The following SF1 variants were observed in gnomAD, a reference collection of about 807,000 sequenced individuals.
The protein encoded by SF1 is branch point-binding protein.
A neutral mutation model predicts 62.5 loss-of-function variants in SF1; 7 were observed. That is an observed-to-expected ratio of 0.11 (90% CI 0.06 to 0.21). SF1 has a LOEUF of 0.21. Ranked by LOEUF, SF1 falls within the 10% of genes least tolerant of loss-of-function variation. The pLI is 1.00. For synonymous variants in SF1, 394 were observed against 323.6 expected (o/e 1.22, Z -2.33); for missense variants, 578 against 884.0 (o/e 0.65, Z 4.39).
chr11:64,772,443 CAAGG>C, intron 3 of SF1: 2 of 984,996 alleles, frequency 2.0e-6, no homozygotes, highest in Middle Eastern at 1.0e-3. Context: ...TATGGAGAAA[CAAGG>C]AAGTTAATGT....
intron 3 of SF1, chr11:64,771,618 T>A: frequency 1.0e-6 from 1 of 985,434 alleles, no homozygotes; most frequent in Non-Finnish European, 1.2e-6. Context: ...GACGGCTAAA[T>A]GACACCTCCG....
intron 1 of SF1, among the ~76,000 whole-genome samples, chr11:64,777,157 T>A (rs1363297529): frequency 6.6e-6 from 1 of 152,158 alleles, no homozygotes; most frequent in Non-Finnish European, 1.5e-5. Flanking sequence ...TCTTCATAAG[T>A]TTAGCCAAGA....
chr11:64,776,508 T>G lies in SF1; in HGVS notation c.150A>C (p.Arg50Ser), dbSNP rs1305367896. The stretch of plus-strand genomic sequence containing the variant: ...AGAACGTATATTTACCTATATAAGC[T>G]CTTTCTTGTTCTCGAGTAAGTCCAG... ...IPPGLTREQERAYIVQLQIED... is the reference protein window; with the variant it reads ...IPPGLTREQESAYIVQLQIED... The change falls in exon 2 of 13, where the codon AGA (arginine) becomes AGC (serine). Residue 50 changes from arginine (R) to serine (S), a missense_variant. Around this residue, in one of 7 missense-constraint regions of SF1, gnomAD observed 68 missense variants for 170.7 expected, o/e 0.40. Coordinates refer to ENST00000377390, the MANE Select transcript of SF1 (RefSeq NM_004630.4). The G allele has an allele frequency of 1.3e-6, 2 of 1,560,120 alleles. No individual in the cohort carries two copies. The highest frequency in any genetic ancestry group is 1.7e-6 in the Non-Finnish European group (2 of 1,158,962).
chr11:64,778,178 G>A (rs1183703425), intron 1 of SF1, 184 bp downstream of exon 1: 19 of 957,308 alleles, frequency 2.0e-5, no homozygotes, highest in Non-Finnish European at 2.4e-5. Flanking sequence ...CGGCGGCGGA[G>A]GCGGCGGAGG....
rs968966198 is a variant in SF1, at chr11:64,778,063, G to A, written c.31+299C>T. On this transcript the variant is annotated intron_variant, in intron 1 of 12. Transcript: ENST00000377390. Reference sequence around the variant, plus strand: ...GTGGCGGCGGCTGCGGCGGCGACACGCGCTGGTAGAGCGGCGGCGGAGGGG... The same window carrying A: ...GTGGCGGCGGCTGCGGCGGCGACACACGCTGGTAGAGCGGCGGCGGAGGGG... 10 of 994,266 alleles carry A rather than the reference G, an allele frequency of 1.0e-5. 1 individual carries two copies. Among genetic ancestry groups the A allele is most frequent in the East Asian group, 9.7e-5 (1 of 10,330 alleles). 61.6% of individuals were successfully genotyped at this position (994,266 alleles called of 1,614,324 possible). A position where few individuals can be genotyped will look rare whatever the true frequency, so the allele number is the denominator to read the frequency against.
At chr11:64,770,232 A>C in intron 4 of SF1, 24 bp downstream of exon 4, 4 of 1,607,864 alleles carry the variant, frequency 2.5e-6, no homozygotes, top group Non-Finnish European at 3.4e-6. Flanking sequence ...TCTTCATCCC[A>C]GATGACCGAG....
At position 64,767,522 on chromosome 11, in the gene SF1, C is replaced by T. The variant is rs764199684; in HGVS notation, c.1342+49G>A. The T allele has an allele frequency of 4.4e-5, 66 of 1,508,184 alleles. 1 individual carries two copies. In the South Asian group the frequency reaches 8.1e-4, roughly 18 times the overall value. 93.4% of individuals were successfully genotyped at this position (1,508,184 alleles called of 1,614,324 possible). ...TAGCCAACAGCGACCTGACGTAACCCCTTGCTTATCCCAAAGCCCCCAAGG... is the reference window on the plus strand; with the variant it reads ...TAGCCAACAGCGACCTGACGTAACCTCTTGCTTATCCCAAAGCCCCCAAGG... On this transcript the variant is annotated intron_variant, in intron 10 of 12. Transcript: ENST00000377390.
rs1379381569 is a variant in SF1, at chr11:64,778,354, C to G, written c.31+8G>C. On this transcript the variant is annotated splice_region_variant and intron_variant, in intron 1 of 12. Transcript: ENST00000377390. ...GGAGCGGGGGCAGCCCGGGGGGGCCCAGCTTACCCAACGGCGTGGCGTTCG... is the reference window on the plus strand; with the variant it reads ...GGAGCGGGGGCAGCCCGGGGGGGCCGAGCTTACCCAACGGCGTGGCGTTCG... The G allele has an allele frequency of 5.7e-6, 7 of 1,227,058 alleles. No homozygotes were observed. In the East Asian group the frequency reaches 1.9e-4, roughly 34 times the overall value. The allele number at this position is 1,227,058 out of a possible 1,614,324, so 76.0% of individuals were successfully genotyped here.
In SF1 at chr11:64,765,506, G is replaced by T; in HGVS notation, c.*312C>A. ...TCTCATGGCTCGGGCCATCGCCGCC[G>T]CGGGGAGGGATCCTGGCGGCCCGGT... On this transcript the variant is annotated 3_prime_UTR_variant, in exon 13 of 13. Transcript: ENST00000377390. 6.2e-7 allele frequency: 1 copy of T among 1,609,824 alleles called. No homozygotes were observed. The highest frequency in any genetic ancestry group is 1.1e-5 in the South Asian group (1 of 90,582).
chr11:64,771,302 T>TA (rs996508561), intron 3 of SF1, among the ~76,000 whole-genome samples: 1 of 152,036 alleles, frequency 6.6e-6, no homozygotes, highest in African/African-American at 2.4e-5. Flanking sequence ...TTTGCGGTAA[T>TA]AAAAAAGAGA....
At position 64,766,163 on chromosome 11, in the gene SF1, G is replaced by A. The variant is rs1396509081; in HGVS notation, c.1583-8C>T. ...TGGTGGTAGTCGTCGTATCTGGGGT[G>A]GTAAAGAAGCCCAAGGTCACACGCG... On this transcript the variant is annotated splice_region_variant and splice_polypyrimidine_tract_variant and intron_variant, in intron 12 of 12. Transcript: ENST00000377390. 59 of 1,602,302 alleles carry A rather than the reference G, an allele frequency of 3.7e-5. No homozygotes were observed. Among genetic ancestry groups the A allele is most frequent in the Non-Finnish European group, 4.9e-5 (58 of 1,179,368 alleles).
intron 3 of SF1, 138 bp from the exon 4 acceptor site, chr11:64,770,546 G>A (rs1453989726): frequency 9.9e-6 from 9 of 912,126 alleles, no homozygotes; most frequent in African/African-American, 1.7e-5. Flanking sequence ...CATAACGTGT[G>A]CTACTCAAGA....
chr11:64,769,181 G>A (rs751914516), intron 7 of SF1, 42 bp downstream of exon 7: 1 of 1,607,438 alleles, frequency 6.2e-7, no homozygotes, highest in Non-Finnish European at 8.5e-7. Context: ...ACTTCCATAG[G>A]TTCTTCAGGT....
At position 64,778,510 on chromosome 11, in the gene SF1, T is replaced by C. The variant is rs1340048448; in HGVS notation, c.-118A>G. 6 of 1,130,792 alleles carry C rather than the reference T, an allele frequency of 5.3e-6. No homozygotes were observed. The highest frequency in any genetic ancestry group is 6.5e-6 in the Non-Finnish European group (6 of 925,614). The allele number at this position is 1,130,792 out of a possible 1,614,324, so 70.0% of individuals were successfully genotyped here. A position where few individuals can be genotyped will look rare whatever the true frequency, so the allele number is the denominator to read the frequency against. On this transcript the variant is annotated 5_prime_UTR_variant, in exon 1 of 13. Coordinates refer to ENST00000377390, the MANE Select transcript of SF1 (RefSeq NM_004630.4). ...GCCGGAGCGCGCGGAGCCCGTCCTC[T>C]CACGCGGCGGGCGGCGGCGGCGCGA...
At chr11:64,768,362 A>G in intron 8 of SF1, 76 bp from the exon 9 acceptor site, 1 of 1,388,580 alleles carries the variant, frequency 7.2e-7, no homozygotes, top group Admixed American at 2.0e-5. Context: ...CTGAGGAACC[A>G]ACATATGGAA....
Position 64,767,850 on chromosome 11 carries a change from T to TGA in SF1, c.1069-8_1069-7dup. The TGA allele has an allele frequency of 6.2e-7, 1 of 1,606,604 alleles. No individual in the cohort carries two copies. The highest frequency in any genetic ancestry group is 8.5e-7 in the Non-Finnish European group (1 of 1,177,664). Reference sequence around the variant, plus strand: ...TGGGTGGTAGACATGAGAGACTACGTGAGAGCATTTCCTGCCAACGTCCCT... The same window carrying TGA: ...TGGGTGGTAGACATGAGAGACTACGTGAGAGAGCATTTCCTGCCAACGTCCCT... On this transcript the variant is annotated splice_polypyrimidine_tract_variant and splice_region_variant and intron_variant, in intron 9 of 12. Transcript: ENST00000377390.
At position 64,767,605 on chromosome 11, in the gene SF1, G is replaced by A. The variant is rs1238020959; in HGVS notation, c.1308C>T (p.Pro436=). The change falls in exon 10 of 13, where the codon CCC becomes CCT. Residue 436 remains proline, a synonymous_variant. Coordinates refer to ENST00000377390, the MANE Select transcript of SF1 (RefSeq NM_004630.4). ...QPPPPPMNQG[P]HPPGHHGPPP... is the part of the protein sequence containing the mutation. ...GAGGGCCATGGTGCCCAGGAGGGTG[G>A]GGGCCCTGGTTCATCGGTGGTGGTG... is the stretch of plus-strand genomic sequence containing the variant. 2 of 1,581,358 alleles carry A rather than the reference G, an allele frequency of 1.3e-6. No homozygotes were observed. The highest frequency in any genetic ancestry group is 2.2e-5 in the East Asian group (1 of 44,448).
rs375302419 is a variant in SF1, at chr11:64,778,441, T to G, written c.-49A>C. 6.9e-3 allele frequency: 8,347 copies of G among 1,216,674 alleles called. 37 individuals carry two copies. Among genetic ancestry groups the G allele is most frequent in the Non-Finnish European group, 8.1e-3 (7,893 of 977,212 alleles). The allele number at this position is 1,216,674 out of a possible 1,614,324, so 75.4% of individuals were successfully genotyped here. On this transcript the variant is annotated 5_prime_UTR_variant, in exon 1 of 13. Coordinates refer to ENST00000377390, the MANE Select transcript of SF1 (RefSeq NM_004630.4). Reference sequence around the variant, plus strand: ...GCACCTGCTTTTCCTCTGCGGCGGCTTCTCCTTCGCAAGCCTCCCGGGGGG... The same window carrying G: ...GCACCTGCTTTTCCTCTGCGGCGGCGTCTCCTTCGCAAGCCTCCCGGGGGG...
At chr11:64,766,236 G>A (rs911558383) in intron 12 of SF1, 81 bp from the exon 13 acceptor site, 21 of 952,866 alleles carry the variant, frequency 2.2e-5, no homozygotes, top group African/African-American at 8.3e-5. Context: ...GGATGGGGGC[G>A]AGGGGCGCCT....
Sources: gnomAD v4.1 joint callset for allele counts (sites outside exome capture counted in the v4.1 genomes callset) on GRCh38, gnomAD v4.1.1 for gene constraint, gnomAD v4.1.1 regional missense constraint, MANE v1.5 for transcripts, NCBI Gene and HGNC (gene_info 2026-07-23, HGNC 2026-07-21) for gene names.